Variants in SYNE1 observed in about 807,000 individuals in gnomAD.
SYNE1 encodes spectrin repeat containing nuclear envelope protein 1, also known as nesprin-1.
In SYNE1, 616 loss-of-function variants were observed where a neutral mutation model predicts 1,111.0. That is an observed-to-expected ratio of 0.55 (90% CI 0.52 to 0.59). SYNE1 has a LOEUF of 0.59. Ranked by LOEUF, SYNE1 falls within the 20% of genes least tolerant of loss-of-function variation. The pLI, the probability that SYNE1 is intolerant of heterozygous loss-of-function variation, is 0.00. For missense variants in SYNE1, 10,006 were observed against 10,417.0 expected, an observed-to-expected ratio of 0.96 and a Z score of 1.72; for synonymous variants, 3,855 against 3,825.8, an observed-to-expected ratio of 1.01 and a Z score of -0.28.
chr6:152,233,323 C>T (rs558398812), intron 112 of SYNE1, among the ~76,000 whole-genome samples: 16 of 149,546 alleles, frequency 1.1e-4, no homozygotes, highest in African/African-American at 4.0e-4. Flanking sequence ...GGCTTTGTAG[C>T]GTAGTTCACT....
chr6:152,518,051 C>T (rs1352523174), intron 6 of SYNE1, among the ~76,000 whole-genome samples: 2 of 151,766 alleles, frequency 1.3e-5, no homozygotes, highest in African/African-American at 4.8e-5. Flanking sequence ...CAGATAATGA[C>T]ATAATCCCAC....
Position 152,122,333 on chromosome 6 carries a change from G to C in SYNE1, c.*103C>G, listed in dbSNP as rs2250122. On this transcript the variant is annotated 3_prime_UTR_variant, in exon 146 of 146. Coordinates refer to ENST00000367255, the MANE Select transcript of SYNE1 (RefSeq NM_182961.4). Reference sequence around the variant, plus strand: ...AGGAGGGCTAAAGCTGCCACACCGAGGGCTTTCGCCAAGATCAAGGTCCTC... The same window carrying C: ...AGGAGGGCTAAAGCTGCCACACCGACGGCTTTCGCCAAGATCAAGGTCCTC... 2.5e-6 allele frequency: 4 copies of C among 1,594,992 alleles called. No homozygotes were observed. Among genetic ancestry groups the C allele is most frequent in the Non-Finnish European group, 3.4e-6 (4 of 1,166,298 alleles).
rs886042314 is a variant in SYNE1, at chr6:152,331,252, A to G, written c.13433T>C (p.Phe4478Ser). Residue 4478 changes from phenylalanine to serine, a missense_variant, in exon 78 of 146, where the codon TTC (phenylalanine) becomes TCC (serine). Physicochemically the swap from Phe to Ser is radical, Grantham distance 155. Coordinates refer to ENST00000367255, the MANE Select transcript of SYNE1 (RefSeq NM_182961.4). ...QIQQHERKIM[F>S]REHICLLPDD... ...TGGTAACAGACAGATGTGTTCACGGAACATTATCTTTCGCTCATGTTGCTG... is the reference window on the plus strand; with the variant it reads ...TGGTAACAGACAGATGTGTTCACGGGACATTATCTTTCGCTCATGTTGCTG... The G allele has an allele frequency of 2.5e-6, 4 of 1,613,972 alleles. No homozygotes were observed. Among genetic ancestry groups the G allele is most frequent in the Non-Finnish European group, 3.4e-6 (4 of 1,180,044 alleles).
intron 31 of SYNE1, 83 bp downstream of exon 31, chr6:152,441,992 G>T (rs2098534814): frequency 6.6e-7 from 1 of 1,520,704 alleles, no homozygotes; most frequent in East Asian, 2.2e-5. Context: ...GGTAACAAAG[G>T]TTCGCCTTGG....
At chr6:152,372,660 T>G (rs1025494814) in intron 59 of SYNE1, among the ~76,000 whole-genome samples, 1 of 152,212 alleles carries the variant, frequency 6.6e-6, no homozygotes, top group African/African-American at 2.4e-5. Flanking sequence ...TAATATACAC[T>G]CTCATCTGCA....
chr6:152,629,168 C>A (rs979699441), intron 2 of SYNE1, among the ~76,000 whole-genome samples: 3 of 152,004 alleles, frequency 2.0e-5, no homozygotes, highest in African/African-American at 7.2e-5. Context: ...GTGGGTGAAG[C>A]AGAGTGGACA....
intron 3 of SYNE1, among the ~76,000 whole-genome samples, chr6:152,581,051 A>G (rs908539847): frequency 3.9e-5 from 6 of 152,180 alleles, no homozygotes; most frequent in Non-Finnish European, 7.3e-5. Context: ...TACTTTGTAA[A>G]CTTCAGCAAA....
At chr6:152,472,477 T>C in intron 14 of SYNE1, 64 bp from the exon 15 acceptor site, 1 of 1,455,408 alleles carries the variant, frequency 6.9e-7, no homozygotes, top group East Asian at 2.3e-5. Flanking sequence ...CTAAGAAGCA[T>C]AATTTCCAGC....
rs1586189164 is a variant in SYNE1 at position 152,148,112 on chromosome 6, C to A, written c.24909G>T (p.Leu8303=). The change falls in exon 137 of 146, where the codon CTG becomes CTT. Residue 8303 remains leucine (L), a synonymous_variant. Coordinates refer to ENST00000367255, the MANE Select transcript of SYNE1 (RefSeq NM_182961.4). The surrounding 1 kb of genome is among the most constrained non-coding windows in gnomAD (Gnocchi z 4.1). Reference sequence around the variant, plus strand: ...CCTGACCTTCTTCATCCTCAGAGGGCAGAGCTCTGGACATTGCAGACTCCA... The same window carrying A: ...CCTGACCTTCTTCATCCTCAGAGGGAAGAGCTCTGGACATTGCAGACTCCA... ...RDLESAMSRA[L]PSEDEEGQDD... 6.2e-7 allele frequency: 1 copy of A among 1,614,184 alleles called. No homozygotes were observed. Among genetic ancestry groups the A allele is most frequent in the South Asian group, 1.1e-5 (1 of 91,088 alleles).
chr6:152,333,166 G>C (rs1208852050), intron 77 of SYNE1, among the ~76,000 whole-genome samples: 1 of 152,054 alleles, frequency 6.6e-6, no homozygotes, highest in Non-Finnish European at 1.5e-5. Context: ...TCAAAAGTAT[G>C]GAATGGTTTC....
chr6:152,299,420 T>C (rs888474546), intron 93 of SYNE1, among the ~76,000 whole-genome samples: 2 of 152,224 alleles, frequency 1.3e-5, no homozygotes, highest in Non-Finnish European at 2.9e-5. Context: ...TCTCCTTTTA[T>C]GTTGCTGTTT....
intron 116 of SYNE1, among the ~76,000 whole-genome samples, chr6:152,225,168 A>C (rs930666659): frequency 1.3e-5 from 2 of 151,750 alleles, no homozygotes; most frequent in Non-Finnish European, 2.9e-5. Context: ...ATTACCCAAG[A>C]TTATACTGCT....
intron 95 of SYNE1, among the ~76,000 whole-genome samples, chr6:152,284,565 C>G (rs1008028721): frequency 5.9e-5 from 9 of 151,378 alleles, no homozygotes; most frequent in Non-Finnish European, 8.8e-5. Flanking sequence ...CTCAAGCGGC[C>G]CTCCTGCTTG....
intron 101 of SYNE1, among the ~76,000 whole-genome samples, chr6:152,261,214 A>C (rs933546953): frequency 6.6e-6 from 1 of 152,208 alleles, no homozygotes; most frequent in Non-Finnish European, 1.5e-5. Context: ...CTGACTTGGA[A>C]TGAGCCTAGA....
Position 152,332,132 on chromosome 6 carries a change from G to A in SYNE1, c.12795-242C>T, listed in dbSNP as rs180714079. 2.3e-3 allele frequency among the ~76,000 whole-genome samples: 343 copies of A among 152,152 alleles called. 1 individual carries two copies. Among genetic ancestry groups the A allele is most frequent in the African/African-American group, 8.1e-3 (338 of 41,504 alleles). On this transcript the variant is annotated intron_variant, in intron 77 of 145. Coordinates refer to ENST00000367255, the MANE Select transcript of SYNE1 (RefSeq NM_182961.4). ...TGAGATTACAGGCATGTGCCACCAT[G>A]CTCGGCTAATTTTCTATTTTTAGTA...
At chr6:152,438,714 T>C (rs1275962136) in intron 32 of SYNE1, among the ~76,000 whole-genome samples, 1 of 152,182 alleles carries the variant, frequency 6.6e-6, no homozygotes, top group Non-Finnish European at 1.5e-5. Context: ...CACACACCAG[T>C]ACACAGAGGA....
Position 152,219,089 on chromosome 6 carries a change from A to G in SYNE1, c.21958T>C (p.Ser7320Pro), listed in dbSNP as rs201250630. 6 of 1,614,044 alleles carry G rather than the reference A, an allele frequency of 3.7e-6. No homozygotes were observed. The highest frequency in any genetic ancestry group is 1.6e-4 in the Middle Eastern group (1 of 6,084). ...LKQQVDASAASAIQSDQLSLS... is the reference protein window; with the variant it reads ...LKQQVDASAAPAIQSDQLSLS... The stretch of plus-strand genomic sequence containing the variant: ...GAGAGTTGATCCGATTGAATAGCTG[A>G]TGCTGCGGAAGCATCCACTTGTTGC... The change falls in exon 120 of 146, where the codon TCA becomes CCA. Residue 7320 changes from serine (S) to proline (P), a missense_variant. Ser to Pro is a moderately conservative substitution (Grantham distance 74, BLOSUM62 -1). Transcript: ENST00000367255.
chr6:152,551,376 T>C (rs2099345945), intron 3 of SYNE1, among the ~76,000 whole-genome samples: 1 of 152,254 alleles, frequency 6.6e-6, no homozygotes, highest in East Asian at 1.9e-4. Flanking sequence ...TATTTAGTAG[T>C]CAGACTCTTA....
intron 141 of SYNE1, among the ~76,000 whole-genome samples, chr6:152,135,916 G>A (rs766937452): frequency 2.0e-5 from 3 of 152,016 alleles, no homozygotes; most frequent in Non-Finnish European, 4.4e-5. Flanking sequence ...TCAGCTCACC[G>A]ACTACACTCT....
Sources: allele counts gnomAD v4.1 joint callset (sites outside exome capture counted in the v4.1 genomes callset), GRCh38; gene constraint gnomAD v4.1.1; non-coding constraint Gnocchi (gnomAD v3.1); transcripts MANE v1.5; gene names NCBI Gene and HGNC (gene_info 2026-07-23, HGNC 2026-07-21).